The following C7orf78 variants were observed in gnomAD, a reference collection of about 807,000 sequenced individuals.
The protein encoded by C7orf78 is chromosome 7 open reading frame 78, also known as putative uncharacterized protein C7orf78.
chr7:12,512,057 G>A, the C7orf78 span, among the ~76,000 whole-genome samples: 1 of 151,348 alleles, frequency 6.6e-6, no homozygotes, highest in African/African-American at 2.4e-5. Flanking sequence ...TTACAGGCGT[G>A]AGCCACCACG....
the C7orf78 span, among the ~76,000 whole-genome samples, chr7:12,488,903 G>T: frequency 5.6e-5 from 7 of 125,570 alleles, no homozygotes; most frequent in African/African-American, 2.2e-4. Flanking sequence ...GTGTGGAGGG[G>T]GTTTGATTGG....
At chr7:12,529,169 A>G in the C7orf78 span, 1 of 394,654 alleles carries the variant, frequency 2.5e-6, no homozygotes, top group Non-Finnish European at 4.5e-6. Context: ...AAAATAAAGC[A>G]TATAGCCGCT....
At chr7:12,498,815 T>G in the C7orf78 span, among the ~76,000 whole-genome samples, 1 of 149,706 alleles carries the variant, frequency 6.7e-6, no homozygotes, top group African/African-American at 2.5e-5. Context: ...AAGGAAAAAA[T>G]GTTAAGGGCA....
At chr7:12,525,812 A>G in the C7orf78 span, 2 of 396,884 alleles carry the variant, frequency 5.0e-6, no homozygotes, top group Non-Finnish European at 8.9e-6. Flanking sequence ...TTTCCTTTAC[A>G]TATCTAGTAC....
the C7orf78 span, among the ~76,000 whole-genome samples, chr7:12,510,571 A>G: frequency 6.6e-6 from 1 of 152,074 alleles, no homozygotes. Context: ...TCTTGCCAGC[A>G]TATGTTATTT....
the C7orf78 span, among the ~76,000 whole-genome samples, chr7:12,495,205 T>A: frequency 1.3e-5 from 2 of 152,198 alleles, no homozygotes; most frequent in Admixed American, 1.3e-4. Context: ...TTTTTTTTCC[T>A]CATCTTACGC....
At chr7:12,498,869 G>C in the C7orf78 span, among the ~76,000 whole-genome samples, 11 of 151,556 alleles carry the variant, frequency 7.3e-5, no homozygotes, top group East Asian at 1.9e-3. Flanking sequence ...AAGCCCATCA[G>C]ACTAACAGAG....
the C7orf78 span, among the ~76,000 whole-genome samples, chr7:12,537,484 T>A: frequency 2.0e-5 from 3 of 152,080 alleles, no homozygotes; most frequent in Admixed American, 2.0e-4. Context: ...TAGGCAAGGG[T>A]ATAGAGCAAT....
the C7orf78 span, among the ~76,000 whole-genome samples, chr7:12,493,327 G>A: frequency 9.6e-4 from 146 of 152,266 alleles, no homozygotes; most frequent in African/African-American, 3.3e-3. Flanking sequence ...AACTAAATAT[G>A]TGTAGGAATG....
chr7:12,519,167 A>G, the C7orf78 span, among the ~76,000 whole-genome samples: 1 of 152,042 alleles, frequency 6.6e-6, no homozygotes, highest in Non-Finnish European at 1.5e-5. Flanking sequence ...CCACAACCCA[A>G]ACATGTAGCT....
the C7orf78 span, among the ~76,000 whole-genome samples, chr7:12,514,807 C>T: frequency 6.6e-6 from 1 of 151,982 alleles, no homozygotes; most frequent in East Asian, 1.9e-4. Context: ...TTTGTAGAAC[C>T]AGTCTAGTGA....
At chr7:12,527,778 T>C in the C7orf78 span, among the ~76,000 whole-genome samples, 1 of 149,692 alleles carries the variant, frequency 6.7e-6, no homozygotes, top group East Asian at 2.0e-4. Context: ...GAAAATGCCA[T>C]CTAGCTGTGT....
At chr7:12,485,109 G>A in the C7orf78 span, among the ~76,000 whole-genome samples, 5,984 of 142,538 alleles carry the variant, frequency 0.042, 104 homozygotes, top group East Asian at 0.16. Context: ...TAATTTGCAC[G>A]TCATAGGGCC....
chr7:12,509,090 G>A, the C7orf78 span, among the ~76,000 whole-genome samples: 60 of 152,246 alleles, frequency 3.9e-4, no homozygotes, highest in African/African-American at 9.6e-5. Context: ...TGTCTCCCAC[G>A]AGATCACTCA....
At chr7:12,528,849 T>A in the C7orf78 span, 7 of 397,648 alleles carry the variant, frequency 1.8e-5, no homozygotes, top group Non-Finnish European at 2.2e-5. Context: ...AGAGACATCA[T>A]GAACAAAGAC....
At chr7:12,512,201 C>T in the C7orf78 span, among the ~76,000 whole-genome samples, 2 of 152,176 alleles carry the variant, frequency 1.3e-5, no homozygotes, top group South Asian at 4.1e-4. Context: ...TGTGATTTCT[C>T]TGGCTAAGAC....
At chr7:12,495,686 C>G in the C7orf78 span, among the ~76,000 whole-genome samples, 1 of 152,058 alleles carries the variant, frequency 6.6e-6, no homozygotes, top group Non-Finnish European at 1.5e-5. Flanking sequence ...TATTTAAAGC[C>G]TATTTTACTT....
chr7:12,520,107 C>T, the C7orf78 span, among the ~76,000 whole-genome samples: 3 of 152,218 alleles, frequency 2.0e-5, no homozygotes, highest in South Asian at 6.2e-4. Context: ...ATCCCACTTA[C>T]CCTTTCTCTG....
At chr7:12,522,922 A>C in the C7orf78 span, 1 of 397,846 alleles carries the variant, frequency 2.5e-6, no homozygotes, top group Non-Finnish European at 4.4e-6. Context: ...AATGTTGAGT[A>C]CACCATTGCT....
Sources: allele counts gnomAD v4.1 joint callset (sites outside exome capture counted in the v4.1 genomes callset), GRCh38; gene constraint gnomAD v4.1.1; transcripts MANE v1.5; gene names NCBI Gene and HGNC (gene_info 2026-07-23, HGNC 2026-07-21).